The following ZNF385D variants were observed in gnomAD, a reference collection of about 807,000 sequenced individuals.
ZNF385D encodes the protein zinc finger protein 659.
ZNF385D carries 15 observed loss-of-function variants against 35.8 expected under a neutral mutation model. The ratio of observed to expected loss-of-function variants is 0.42; its 90% CI spans 0.28 to 0.64. The LOEUF is 0.64. Ranked by LOEUF, ZNF385D falls within the 30% of genes least tolerant of loss-of-function variation. The pLI, the probability that ZNF385D is intolerant of heterozygous loss-of-function variation, is 0.23. For synonymous variants in ZNF385D, 212 were observed against 186.8 expected, an observed-to-expected ratio of 1.13 and a Z score of -1.10; for missense variants, 474 against 494.6, an observed-to-expected ratio of 0.96 and a Z score of 0.39.
At chr3:21,802,971 G>A (rs1043229914) in intron 3 of ZNF385D, among the ~76,000 whole-genome samples, 7 of 152,182 alleles carry the variant, frequency 4.6e-5, no homozygotes, top group Non-Finnish European at 1.0e-4. Flanking sequence ...AGAAGAACGA[G>A]TGGAAATTTG....
chr3:21,765,269 G>T (rs1014800689), intron 3 of ZNF385D, among the ~76,000 whole-genome samples: 2 of 151,782 alleles, frequency 1.3e-5, no homozygotes, highest in Non-Finnish European at 2.9e-5. Context: ...AGATTTTACT[G>T]ACTTATTTTG....
chr3:21,640,375 G>C (rs554347181), intron 2 of ZNF385D, among the ~76,000 whole-genome samples: 26 of 152,170 alleles, frequency 1.7e-4, no homozygotes, highest in Middle Eastern at 3.4e-3. Flanking sequence ...GGAAAAATCT[G>C]AGTCACCACG....
chr3:21,551,421 T>C (rs932828612), intron 3 of ZNF385D, among the ~76,000 whole-genome samples: 5 of 152,220 alleles, frequency 3.3e-5, no homozygotes, highest in Non-Finnish European at 7.3e-5. Flanking sequence ...CCTCTAAAGT[T>C]TTATGAAATT....
intron 1 of ZNF385D, among the ~76,000 whole-genome samples, chr3:21,673,799 A>G (rs1197213629): frequency 6.6e-6 from 1 of 152,130 alleles, no homozygotes; most frequent in Non-Finnish European, 1.5e-5. Context: ...AGGGCAAAGG[A>G]GTGTTTATTA....
intron 1 of ZNF385D, among the ~76,000 whole-genome samples, chr3:21,704,296 A>G (rs906340357): frequency 6.6e-6 from 1 of 152,000 alleles, no homozygotes; most frequent in Non-Finnish European, 1.5e-5. Context: ...GCCAATAGCT[A>G]TTGCTAAGTG....
chr3:21,509,901 A>C (rs1031038428), intron 4 of ZNF385D, among the ~76,000 whole-genome samples: 1 of 152,220 alleles, frequency 6.6e-6, no homozygotes, highest in East Asian at 1.9e-4. Context: ...TTGTGTAATA[A>C]GGATGTTACA....
intron 4 of ZNF385D, among the ~76,000 whole-genome samples, chr3:21,503,332 G>T (rs1190045123): frequency 6.6e-6 from 1 of 152,108 alleles, no homozygotes; most frequent in Admixed American, 6.6e-5. Flanking sequence ...AGCCCAGCTT[G>T]TATTTTGTTA....
chr3:22,163,280 G>T (rs78024863), intron 3 of ZNF385D, among the ~76,000 whole-genome samples: 10,796 of 152,190 alleles, frequency 0.071, 497 homozygotes, highest in Middle Eastern at 0.19. Flanking sequence ...TTCTAGCAGA[G>T]CATGAATTCA....
intron 4 of ZNF385D, among the ~76,000 whole-genome samples, chr3:21,509,226 T>G (rs1195360793): frequency 6.6e-6 from 1 of 152,104 alleles, no homozygotes; most frequent in Non-Finnish European, 1.5e-5. Flanking sequence ...TAGAAAAAAT[T>G]TGGAGCAAGG....
At chr3:22,243,821 T>A in intron 2 of ZNF385D, among the ~76,000 whole-genome samples, 1 of 150,742 alleles carries the variant, frequency 6.6e-6, no homozygotes, top group East Asian at 2.0e-4. Context: ...TGGTCAGTAC[T>A]CCAGATATGT....
intron 3 of ZNF385D, among the ~76,000 whole-genome samples, chr3:21,964,669 T>A (rs1702803126): frequency 6.6e-6 from 1 of 151,578 alleles, no homozygotes; most frequent in Non-Finnish European, 1.5e-5. Flanking sequence ...TTTTTGTATT[T>A]TTAGTAGAGA....
At chr3:21,469,830 A>G (rs184575083) in intron 4 of ZNF385D, among the ~76,000 whole-genome samples, 139 of 152,158 alleles carry the variant, frequency 9.1e-4, no homozygotes, top group Non-Finnish European at 1.7e-3. Context: ...GGCTTAAAGG[A>G]AAAAAAAGCC....
At chr3:22,323,322 C>T (rs1575118385) in intron 2 of ZNF385D, among the ~76,000 whole-genome samples, 1 of 152,134 alleles carries the variant, frequency 6.6e-6, no homozygotes, top group African/African-American at 2.4e-5. Flanking sequence ...GTTGATAAAA[C>T]ATTTTCCATT....
chr3:22,185,560 C>T (rs894828572), intron 2 of ZNF385D, among the ~76,000 whole-genome samples: 38 of 152,226 alleles, frequency 2.5e-4, no homozygotes, highest in Non-Finnish European at 1.6e-4. Context: ...CTCCGCCTCC[C>T]GGGTTCAAGC....
chr3:22,102,634 T>C (rs1056699218), intron 3 of ZNF385D, among the ~76,000 whole-genome samples: 2 of 151,976 alleles, frequency 1.3e-5, no homozygotes, highest in South Asian at 4.2e-4. Flanking sequence ...ACATCGACAA[T>C]AGGACATATT....
At chr3:21,550,538 A>G (rs2062529343) in intron 3 of ZNF385D, among the ~76,000 whole-genome samples, 1 of 152,178 alleles carries the variant, frequency 6.6e-6, no homozygotes, top group Non-Finnish European at 1.5e-5. Context: ...GCTGGAGTGC[A>G]GTGGTGTGAT....
chr3:22,324,011 G>A (rs1228674778), intron 2 of ZNF385D, among the ~76,000 whole-genome samples: 1 of 151,884 alleles, frequency 6.6e-6, no homozygotes, highest in Non-Finnish European at 1.5e-5. Flanking sequence ...CTAATTAAGT[G>A]TTTTAACAGA....
intron 3 of ZNF385D, among the ~76,000 whole-genome samples, chr3:21,813,601 G>A (rs1044701215): frequency 4.6e-5 from 7 of 152,058 alleles, no homozygotes; most frequent in South Asian, 2.1e-4. Flanking sequence ...AAAGGGTATC[G>A]ATGATTGAAG....
At chr3:21,911,788 T>A (rs1699976579) in intron 3 of ZNF385D, among the ~76,000 whole-genome samples, 2 of 151,994 alleles carry the variant, frequency 1.3e-5, no homozygotes, top group Admixed American at 6.6e-5. Context: ...AACAGGAATT[T>A]ATCACACTTG....
Sources: allele counts gnomAD v4.1 joint callset (sites outside exome capture counted in the v4.1 genomes callset), GRCh38; gene constraint gnomAD v4.1.1; transcripts MANE v1.5; gene names NCBI Gene and HGNC (gene_info 2026-07-23, HGNC 2026-07-21).